MPP7: variants seen among roughly 807,000 people sequenced by gnomAD.
MPP7 encodes the protein MAGUK p55 scaffold protein 7, also known as MAGUK p55 subfamily member 7.
In MPP7, 60 loss-of-function variants were observed where a neutral mutation model predicts 76.5. The observed-to-expected ratio is 0.78, with a 90% CI of 0.64 to 0.97. MPP7 has a LOEUF of 0.97. MPP7 is among the 50% of genes least tolerant of loss of function. The pLI, the probability that MPP7 is intolerant of heterozygous loss-of-function variation, is 0.00. For missense variants in MPP7, 641 were observed against 694.0 expected (o/e 0.92, Z 0.86); for synonymous variants, 237 against 244.5 (o/e 0.97, Z 0.29).
intron 1 of MPP7, among the ~76,000 whole-genome samples, chr10:28,253,614 T>C (rs1443047956): frequency 2.6e-5 from 4 of 152,172 alleles, no homozygotes; most frequent in African/African-American, 7.2e-5. Context: ...TGAAAAATCA[T>C]CTTCCTTAAT....
chr10:28,325,736 CA>C (rs1834406187), intron 2 of MPP7, among the ~76,000 whole-genome samples: 1 of 151,980 alleles, frequency 6.6e-6, no homozygotes, highest in Non-Finnish European at 1.5e-5. Flanking sequence ...TCAAATGATC[CA>C]CCTGATTCAG....
At chr10:28,176,377 C>A (rs866416464) in intron 3 of MPP7, among the ~76,000 whole-genome samples, 1 of 141,884 alleles carries the variant, frequency 7.0e-6, no homozygotes, top group Admixed American at 7.0e-5. Flanking sequence ...AAACAAAACA[C>A]AGGAGTCAAC....
intron 1 of MPP7, among the ~76,000 whole-genome samples, chr10:28,245,090 A>G (rs988602603): frequency 1.3e-5 from 2 of 152,180 alleles, no homozygotes; most frequent in African/African-American, 4.8e-5. Context: ...CTTACTGCTA[A>G]AAAGTCTTGG....
chr10:28,309,480 C>T (rs967710875), intron 2 of MPP7, among the ~76,000 whole-genome samples: 1 of 151,978 alleles, frequency 6.6e-6, no homozygotes, highest in Non-Finnish European at 1.5e-5. Flanking sequence ...CTGTTTCCTT[C>T]CAATTCCTTC....
At chr10:28,109,607 A>C (rs1463220966) in intron 11 of MPP7, among the ~76,000 whole-genome samples, 1 of 152,030 alleles carries the variant, frequency 6.6e-6, no homozygotes, top group African/African-American at 2.4e-5. Context: ...GTGAAGGTGC[A>C]TGCCACCCCC....
chr10:28,140,911 A>G lies in MPP7; in HGVS notation c.315+6572T>C, dbSNP rs1017748467. ...ATTCCAACACATAGTAAAATGTAAC[A>G]TTTCTTTTTCAAAGGTCTCACAACC... On this transcript the variant is annotated intron_variant, in intron 5 of 16. Coordinates refer to ENST00000683449, the MANE Select transcript of MPP7 (RefSeq NM_001318170.2). 2.6e-5 allele frequency among the ~76,000 whole-genome samples: 4 copies of G among 152,314 alleles called. No individual in the cohort carries two copies. In the East Asian group the frequency reaches 7.7e-4, roughly 29 times the overall value.
At chr10:28,056,373 G>A (rs924384548) in intron 16 of MPP7, 107 bp downstream of exon 16, 2 of 1,154,812 alleles carry the variant, frequency 1.7e-6, no homozygotes, top group Admixed American at 5.1e-5. Context: ...TGGCCAGGCT[G>A]GTCTTGAACT....
At chr10:28,318,075 C>G (rs1400266991) in intron 2 of MPP7, among the ~76,000 whole-genome samples, 4 of 152,182 alleles carry the variant, frequency 2.6e-5, no homozygotes, top group Non-Finnish European at 5.9e-5. Flanking sequence ...TTGGCAACCT[C>G]AAACTTACTT....
intron 1 of MPP7, among the ~76,000 whole-genome samples, chr10:28,239,504 G>A (rs545007949): frequency 6.6e-6 from 1 of 152,042 alleles, no homozygotes; most frequent in East Asian, 1.9e-4. Flanking sequence ...TTCTCTAACT[G>A]ATGTCTGCAA....
intron 11 of MPP7, among the ~76,000 whole-genome samples, chr10:28,091,252 A>C (rs917271120): frequency 6.6e-6 from 1 of 152,120 alleles, no homozygotes; most frequent in Non-Finnish European, 1.5e-5. Flanking sequence ...CATTCTCTTC[A>C]AAAAGAATAT....
chr10:28,268,391 A>G (rs1267226643), intron 1 of MPP7, among the ~76,000 whole-genome samples: 2 of 152,216 alleles, frequency 1.3e-5, no homozygotes, highest in Non-Finnish European at 2.9e-5. Context: ...AAGCCACTTT[A>G]AATCTGAATT....
intron 2 of MPP7, among the ~76,000 whole-genome samples, chr10:28,224,956 A>C (rs976692510): frequency 2.0e-5 from 3 of 152,246 alleles, no homozygotes; most frequent in African/African-American, 7.2e-5. Context: ...AAATTCTGTC[A>C]AACAGTGGTA....
intron 3 of MPP7, among the ~76,000 whole-genome samples, chr10:28,193,402 C>T (rs561839944): frequency 3.3e-5 from 5 of 152,016 alleles, no homozygotes; most frequent in East Asian, 1.9e-4. Context: ...TTAGTGGAGA[C>T]GGGGTTTCAC....
intron 1 of MPP7, among the ~76,000 whole-genome samples, chr10:28,333,863 G>T (rs909057912): frequency 5.3e-5 from 8 of 152,166 alleles, no homozygotes; most frequent in Admixed American, 3.3e-4. Flanking sequence ...TTTGGGCCGA[G>T]AAATTTTTGT....
At chr10:28,178,462 A>AG (rs908729922) in intron 3 of MPP7, among the ~76,000 whole-genome samples, 3 of 152,032 alleles carry the variant, frequency 2.0e-5, no homozygotes, top group African/African-American at 4.8e-5. Flanking sequence ...GGAAAAAAAA[A>AG]GTCCCAGAGT....
chr10:28,190,240 G>A (rs143730893), intron 3 of MPP7, among the ~76,000 whole-genome samples: 1,570 of 151,992 alleles, frequency 0.01, 28 homozygotes, highest in African/African-American at 0.036. Flanking sequence ...TTCAACACCC[G>A]CTATCAGTCA....
intron 1 of MPP7, among the ~76,000 whole-genome samples, chr10:28,265,715 T>C (rs1440684493): frequency 2.0e-5 from 3 of 152,216 alleles, no homozygotes; most frequent in African/African-American, 4.8e-5. Flanking sequence ...ATACATATCA[T>C]AGCTTTTTTA....
At chr10:28,223,504 T>C (rs1245058648) in intron 2 of MPP7, among the ~76,000 whole-genome samples, 1 of 152,202 alleles carries the variant, frequency 6.6e-6, no homozygotes, top group Admixed American at 6.5e-5. Flanking sequence ...CATAAGGCTA[T>C]ACAAGTACTG....
intron 3 of MPP7, among the ~76,000 whole-genome samples, chr10:28,180,899 A>G (rs1293293780): frequency 6.6e-6 from 1 of 152,250 alleles, no homozygotes; most frequent in Non-Finnish European, 1.5e-5. Context: ...TAAACAAGTC[A>G]TGTGGCCATA....
Sources: allele counts gnomAD v4.1 joint callset (sites outside exome capture counted in the v4.1 genomes callset), GRCh38; gene constraint gnomAD v4.1.1; transcripts MANE v1.5; gene names NCBI Gene and HGNC (gene_info 2026-07-23, HGNC 2026-07-21).